The following CDKAL1 variants were observed in gnomAD, a reference collection of about 807,000 sequenced individuals.
CDKAL1 encodes CDKAL1 threonylcarbamoyladenosine tRNA methylthiotransferase.
In CDKAL1, 32 loss-of-function variants were observed where a neutral mutation model predicts 68.2. That is an observed-to-expected ratio of 0.47 (90% CI 0.35 to 0.63). The LOEUF is 0.63. Ranked by LOEUF, CDKAL1 falls within the 30% of genes least tolerant of loss-of-function variation. The pLI is 0.00. For missense variants in CDKAL1, 606 were observed against 696.7 expected, an observed-to-expected ratio of 0.87 and a Z score of 1.47; for synonymous variants, 234 against 244.3, an observed-to-expected ratio of 0.96 and a Z score of 0.39.
At chr6:20,772,199 T>C (rs1774976904) in intron 7 of CDKAL1, among the ~76,000 whole-genome samples, 1 of 152,198 alleles carries the variant, frequency 6.6e-6, no homozygotes, top group Non-Finnish European at 1.5e-5. Flanking sequence ...TGTGGTTGCT[T>C]TACATACAGA....
chr6:21,097,981 C>T (rs1423821557), intron 12 of CDKAL1, among the ~76,000 whole-genome samples: 3 of 152,214 alleles, frequency 2.0e-5, no homozygotes, highest in African/African-American at 4.8e-5. Flanking sequence ...CATTTATGCA[C>T]TTACTGTGTG....
intron 10 of CDKAL1, among the ~76,000 whole-genome samples, chr6:20,973,931 A>G (rs543110962): frequency 6.6e-6 from 1 of 152,308 alleles, no homozygotes; most frequent in East Asian, 1.9e-4. Flanking sequence ...ACTAGCAATG[A>G]CTATAAACAA....
intron 5 of CDKAL1, among the ~76,000 whole-genome samples, chr6:20,726,310 T>C (rs1043814899): frequency 2.6e-5 from 4 of 152,126 alleles, no homozygotes; most frequent in African/African-American, 7.2e-5. Flanking sequence ...CCCCCACCTG[T>C]TCTCCATATA....
At chr6:20,741,600 A>G (rs1391774744) in intron 6 of CDKAL1, among the ~76,000 whole-genome samples, 2 of 152,276 alleles carry the variant, frequency 1.3e-5, no homozygotes, top group Non-Finnish European at 2.9e-5. Context: ...TTTGTTAAGG[A>G]TAATGGCCTC....
chr6:21,075,471 G>C (rs1772022244), intron 12 of CDKAL1, among the ~76,000 whole-genome samples: 1 of 151,878 alleles, frequency 6.6e-6, no homozygotes, highest in Non-Finnish European at 1.5e-5. Context: ...TCTTCGCCTT[G>C]ATTGCCTACT....
intron 9 of CDKAL1, among the ~76,000 whole-genome samples, chr6:20,902,028 G>A (rs760308962): frequency 2.0e-5 from 3 of 152,030 alleles, no homozygotes; most frequent in Non-Finnish European, 2.9e-5. Context: ...TGCCTGCCTC[G>A]GCCAGAAACT....
chr6:20,940,824 C>T (rs1763931831), intron 9 of CDKAL1, among the ~76,000 whole-genome samples: 1 of 152,216 alleles, frequency 6.6e-6, no homozygotes, highest in Non-Finnish European at 1.5e-5. Context: ...GGCACTGTGG[C>T]TCACGCCTGT....
intron 14 of CDKAL1, 124 bp downstream of exon 14, chr6:21,198,228 C>A: frequency 1.6e-6 from 1 of 611,776 alleles, no homozygotes. Context: ...TTTATCGCTT[C>A]AAGCCAGCCA....
chr6:20,566,107 T>G (rs1764451186), intron 4 of CDKAL1, among the ~76,000 whole-genome samples: 1 of 152,104 alleles, frequency 6.6e-6, no homozygotes, highest in Admixed American at 6.5e-5. Flanking sequence ...ATAATTCCAA[T>G]TTTGGGTAGG....
chr6:21,005,230 G>T (rs1427179866), intron 11 of CDKAL1, among the ~76,000 whole-genome samples: 1 of 152,054 alleles, frequency 6.6e-6, no homozygotes, highest in African/African-American at 2.4e-5. Context: ...CTTTAATTGG[G>T]CCTCTATCAT....
At chr6:20,977,129 C>A (rs1765881791) in intron 10 of CDKAL1, among the ~76,000 whole-genome samples, 2 of 152,062 alleles carry the variant, frequency 1.3e-5, no homozygotes, top group South Asian at 2.1e-4. Context: ...GTAGTAAAGA[C>A]CCTTAAAGAA....
At chr6:20,816,549 A>G (rs961606156) in intron 8 of CDKAL1, among the ~76,000 whole-genome samples, 1 of 152,200 alleles carries the variant, frequency 6.6e-6, no homozygotes, top group African/African-American at 2.4e-5. Context: ...ATCCTGGTTA[A>G]TTTTAGAAAA....
intron 9 of CDKAL1, among the ~76,000 whole-genome samples, chr6:20,899,975 TA>T (rs1362976541): frequency 6.6e-6 from 1 of 152,242 alleles, no homozygotes; most frequent in Non-Finnish European, 1.5e-5. Flanking sequence ...TGTTTACTTT[TA>T]TGACCATGCT....
chr6:20,809,893 A>G (rs912386590), intron 8 of CDKAL1, among the ~76,000 whole-genome samples: 7 of 152,352 alleles, frequency 4.6e-5, no homozygotes, highest in South Asian at 2.1e-4. Flanking sequence ...GATCTTATGA[A>G]TAGAAATTAT....
intron 12 of CDKAL1, among the ~76,000 whole-genome samples, chr6:21,097,668 C>T (rs529522331): frequency 1.3e-5 from 2 of 152,248 alleles, no homozygotes; most frequent in South Asian, 4.2e-4. Context: ...ACAAAAGATA[C>T]TAAATGCTGT....
chr6:21,054,930 A>G (rs1407236898), intron 11 of CDKAL1, among the ~76,000 whole-genome samples: 1 of 152,072 alleles, frequency 6.6e-6, no homozygotes, highest in African/African-American at 2.4e-5. Flanking sequence ...TCTTTTAAAC[A>G]TATATGCCTT....
At chr6:21,024,296 TG>T (rs984787059) in intron 11 of CDKAL1, among the ~76,000 whole-genome samples, 1 of 152,158 alleles carries the variant, frequency 6.6e-6, no homozygotes, top group Non-Finnish European at 1.5e-5. Context: ...TTTATACCCA[TG>T]CACAGGAATG....
At chr6:20,828,292 A>C (rs1252527845) in intron 8 of CDKAL1, among the ~76,000 whole-genome samples, 3 of 152,056 alleles carry the variant, frequency 2.0e-5, no homozygotes, top group Non-Finnish European at 4.4e-5. Flanking sequence ...CCAGTGGCAC[A>C]ATCTCGGCTC....
intron 5 of CDKAL1, among the ~76,000 whole-genome samples, chr6:20,719,497 T>C (rs188600775): frequency 7.9e-5 from 12 of 152,316 alleles, no homozygotes; most frequent in African/African-American, 2.6e-4. Flanking sequence ...CACTTTCATG[T>C]GGGTTCTGAG....
Sources: allele counts gnomAD v4.1 joint callset (sites outside exome capture counted in the v4.1 genomes callset), GRCh38; gene constraint gnomAD v4.1.1; transcripts MANE v1.5; gene names NCBI Gene and HGNC (gene_info 2026-07-23, HGNC 2026-07-21).